NCAM2: variants seen among roughly 807,000 people sequenced by gnomAD.
NCAM2 encodes neural cell adhesion molecule 2.
Under a neutral mutation model 98.1 loss-of-function variants are expected in NCAM2, and 30 were observed. That is an observed-to-expected ratio of 0.31 (90% confidence interval 0.23 to 0.41). The LOEUF (loss-of-function observed/expected upper bound fraction) is 0.41, where lower values mean the gene tolerates loss of function less well. NCAM2 is among the 10% of genes least tolerant of loss of function. NCAM2 has a pLI of 1.00. For synonymous variants in NCAM2, 368 were observed against 342.4 expected, an observed-to-expected ratio of 1.07 and a Z score of -0.83; for missense variants, 867 against 1,005.8, an observed-to-expected ratio of 0.86 and a Z score of 1.87.
chr21:21,350,202 C>A (rs2075297930), intron 8 of NCAM2, among the ~76,000 whole-genome samples: 1 of 151,512 alleles, frequency 6.6e-6, no homozygotes, highest in African/African-American at 2.4e-5. Context: ...TACTATGTAC[C>A]CCAAAACTTA....
intron 1 of NCAM2, among the ~76,000 whole-genome samples, chr21:21,114,584 A>T (rs11910602): frequency 0.07 from 10,674 of 152,264 alleles, 481 homozygotes; most frequent in Middle Eastern, 0.12. Flanking sequence ...TCTAAAGAGC[A>T]TGGCAGAACA....
At chr21:21,151,145 A>G (rs1359035159) in intron 1 of NCAM2, among the ~76,000 whole-genome samples, 2 of 151,974 alleles carry the variant, frequency 1.3e-5, no homozygotes, top group Non-Finnish European at 2.9e-5. Context: ...ATTTAGATAT[A>G]TTTTTATTAC....
chr21:21,056,572 A>G (rs922798365), intron 1 of NCAM2, among the ~76,000 whole-genome samples: 1 of 150,718 alleles, frequency 6.6e-6, no homozygotes, highest in Non-Finnish European at 1.5e-5. Context: ...TGAGAGAGAG[A>G]GATAGTGAGA....
intron 12 of NCAM2, among the ~76,000 whole-genome samples, chr21:21,442,975 A>G (rs933210875): frequency 6.6e-6 from 1 of 152,168 alleles, no homozygotes; most frequent in African/African-American, 2.4e-5. Context: ...TACTTTAACT[A>G]TACAAAAATT....
intron 1 of NCAM2, among the ~76,000 whole-genome samples, chr21:21,029,652 G>A (rs2064631446): frequency 1.3e-5 from 2 of 151,648 alleles, no homozygotes; most frequent in South Asian, 4.2e-4. Context: ...ATTTTTTTGA[G>A]ATGGAGTCTC....
chr21:21,290,695 C>G (rs977375625), intron 4 of NCAM2, among the ~76,000 whole-genome samples: 3 of 151,784 alleles, frequency 2.0e-5, no homozygotes, highest in African/African-American at 7.3e-5. Context: ...CATTTTCACC[C>G]CTGATTAGTT....
At chr21:21,060,159 G>A (rs1466662399) in intron 1 of NCAM2, among the ~76,000 whole-genome samples, 1 of 152,008 alleles carries the variant, frequency 6.6e-6, no homozygotes, top group Admixed American at 6.6e-5. Flanking sequence ...CTCCACTGCT[G>A]TTAAATTTAA....
At position 21,088,041 on chromosome 21, in the gene NCAM2, A is replaced by C. The variant is rs562129034; in HGVS notation, c.55+89423A>C. Among the ~76,000 whole-genome samples the C allele has an allele frequency of 9.8e-5, 15 of 152,344 alleles. 1 individual carries two copies. The South Asian group carries it at 1.0e-3, about 11-fold the overall frequency. ...TTTTCTCATGTGTTTTATATATTGGAATCTTACAGAATGGTGTAGAACTGT... is the reference window on the plus strand; with the variant it reads ...TTTTCTCATGTGTTTTATATATTGGCATCTTACAGAATGGTGTAGAACTGT... On this transcript the variant is annotated intron_variant, in intron 1 of 17. Coordinates refer to ENST00000400546, the MANE Select transcript of NCAM2 (RefSeq NM_004540.5).
chr21:21,537,237 T>C (rs1002344755), intron 17 of NCAM2, among the ~76,000 whole-genome samples: 1 of 151,888 alleles, frequency 6.6e-6, no homozygotes, highest in Non-Finnish European at 1.5e-5. Flanking sequence ...AGTAGATACC[T>C]GGTTTCACCG....
intron 1 of NCAM2, among the ~76,000 whole-genome samples, chr21:21,072,947 G>A (rs2065603414): frequency 6.6e-6 from 1 of 151,966 alleles, no homozygotes; most frequent in Non-Finnish European, 1.5e-5. Context: ...TTCTCAAACT[G>A]AAACTTCATA....
intron 1 of NCAM2, among the ~76,000 whole-genome samples, chr21:21,149,571 C>A (rs1942899422): frequency 6.6e-6 from 1 of 151,912 alleles, no homozygotes; most frequent in African/African-American, 2.4e-5. Flanking sequence ...CCCCTTGCCC[C>A]CCACCCCCCG....
rs536271541 is a variant in NCAM2 at position 21,538,164 on chromosome 21, T to C, written c.*207T>C. 7 of 339,846 alleles carry C rather than the reference T, an allele frequency of 2.1e-5. No individual in the cohort carries two copies. The highest frequency in any genetic ancestry group is 3.3e-5 in the Non-Finnish European group (6 of 184,058). 21.1% of individuals were successfully genotyped at this position (339,846 alleles called of 1,614,324 possible). On this transcript the variant is annotated 3_prime_UTR_variant, in exon 18 of 18. Transcript: ENST00000400546. ...GTTGTTGCTGTTGTTGTTAATTTTG[T>C]TAAGAATTTCAATATCAAGACTGAC...
chr21:21,427,120 T>C (rs912243368), intron 11 of NCAM2, among the ~76,000 whole-genome samples: 9 of 151,990 alleles, frequency 5.9e-5, no homozygotes, highest in African/African-American at 2.2e-4. Context: ...GAGCAAATTC[T>C]CAGAAATAAA....
chr21:21,153,661 C>G (rs180757156), intron 1 of NCAM2, among the ~76,000 whole-genome samples: 1 of 151,536 alleles, frequency 6.6e-6, no homozygotes, highest in Admixed American at 6.6e-5. Context: ...GGGTACCGTG[C>G]GAACAATGGA....
At chr21:21,487,141 T>G (rs1440794833) in intron 15 of NCAM2, among the ~76,000 whole-genome samples, 1 of 152,106 alleles carries the variant, frequency 6.6e-6, no homozygotes, top group Non-Finnish European at 1.5e-5. Flanking sequence ...CCTTAGACAT[T>G]TTACATCCTA....
intron 1 of NCAM2, among the ~76,000 whole-genome samples, chr21:21,147,768 A>G (rs2146686871): frequency 6.8e-6 from 1 of 146,974 alleles, no homozygotes; most frequent in East Asian, 2.0e-4. Flanking sequence ...ATGTGTGTGC[A>G]TATGCACTGG....
At chr21:21,307,818 T>C (rs2073931582) in intron 5 of NCAM2, among the ~76,000 whole-genome samples, 1 of 152,178 alleles carries the variant, frequency 6.6e-6, no homozygotes, top group Non-Finnish European at 1.5e-5. Flanking sequence ...CTCTTCTGCC[T>C]TCCTCTTCTT....
chr21:21,334,998 C>G (rs1445468320), intron 6 of NCAM2, among the ~76,000 whole-genome samples: 1 of 152,040 alleles, frequency 6.6e-6, no homozygotes, highest in Non-Finnish European at 1.5e-5. Context: ...TCTCATCTTA[C>G]TATTTTATTG....
intron 9 of NCAM2, among the ~76,000 whole-genome samples, chr21:21,399,374 G>C (rs186205546): frequency 6.6e-6 from 1 of 152,064 alleles, no homozygotes; most frequent in Non-Finnish European, 1.5e-5. Context: ...TCTGTTATTT[G>C]TAGTTCTTAA....
Sources: allele counts gnomAD v4.1 joint callset (sites outside exome capture counted in the v4.1 genomes callset), GRCh38; gene constraint gnomAD v4.1.1; transcripts MANE v1.5; gene names NCBI Gene and HGNC (gene_info 2026-07-23, HGNC 2026-07-21).